CCDC91: variants seen among roughly 807,000 people sequenced by gnomAD.
CCDC91 encodes coiled-coil domain-containing protein 91.
Under a neutral mutation model 63.2 loss-of-function variants are expected in CCDC91, and 48 were observed. That is an observed-to-expected ratio of 0.76 (90% confidence interval 0.60 to 0.97). CCDC91 has a LOEUF of 0.97. CCDC91 is among the 50% of genes least tolerant of loss of function. The probability of loss-of-function intolerance (pLI) is 0.00; values close to 1 mark genes in which losing one functional copy is unlikely to be tolerated. For synonymous variants in CCDC91, 167 were observed against 165.8 expected (o/e 1.01, Z -0.06); for missense variants, 500 against 494.6 (o/e 1.01, Z -0.10).
chr12:28,340,430 A>G (rs1942327522), intron 6 of CCDC91, among the ~76,000 whole-genome samples: 1 of 152,220 alleles, frequency 6.6e-6, no homozygotes, highest in South Asian at 2.1e-4. Flanking sequence ...TAGTTTTATG[A>G]AAATAGCTTA....
intron 1 of CCDC91, among the ~76,000 whole-genome samples, chr12:28,197,364 C>T (rs1160277078): frequency 6.6e-6 from 1 of 152,062 alleles, no homozygotes; most frequent in Non-Finnish European, 1.5e-5. Context: ...CTGATCTATA[C>T]AGAATTACTG....
chr12:28,400,146 A>C (rs538925575), intron 8 of CCDC91, among the ~76,000 whole-genome samples: 2 of 152,170 alleles, frequency 1.3e-5, no homozygotes, highest in African/African-American at 4.8e-5. Context: ...ATTTCCATAC[A>C]TCCTCTGAAA....
At chr12:28,244,674 T>C (rs1260101523) in intron 1 of CCDC91, among the ~76,000 whole-genome samples, 2 of 151,786 alleles carry the variant, frequency 1.3e-5, no homozygotes, top group African/African-American at 4.8e-5. Context: ...GGGAACTTAA[T>C]TAGGCAGTCA....
chr12:28,519,013 G>T (rs1940276529), intron 12 of CCDC91, among the ~76,000 whole-genome samples: 1 of 151,732 alleles, frequency 6.6e-6, no homozygotes, highest in East Asian at 1.9e-4. Flanking sequence ...GCTTAGTCTT[G>T]CTTTGGCTAT....
intron 1 of CCDC91, among the ~76,000 whole-genome samples, chr12:28,195,969 T>G (rs955537788): frequency 5.9e-5 from 9 of 152,100 alleles, no homozygotes; most frequent in African/African-American, 2.2e-4. Flanking sequence ...GCTGGGTGTG[T>G]TGCCATGCAC....
intron 12 of CCDC91, among the ~76,000 whole-genome samples, chr12:28,534,853 T>G (rs1229462199): frequency 6.6e-6 from 1 of 152,186 alleles, no homozygotes; most frequent in Non-Finnish European, 1.5e-5. Flanking sequence ...TTTCCCTCAT[T>G]TCTCTATCAT....
intron 8 of CCDC91, among the ~76,000 whole-genome samples, chr12:28,430,576 A>G (rs1393933132): frequency 2.6e-5 from 4 of 152,158 alleles, no homozygotes; most frequent in Admixed American, 2.0e-4. Context: ...AAATTTTTGT[A>G]TATGAAAATG....
chr12:28,215,203 A>C (rs886111197), intron 1 of CCDC91, among the ~76,000 whole-genome samples: 17 of 152,178 alleles, frequency 1.1e-4, no homozygotes, highest in Non-Finnish European at 4.4e-5. Context: ...CATTGGACTC[A>C]GACTAGAACT....
At chr12:28,194,290 A>G (rs1389909052) in intron 1 of CCDC91, among the ~76,000 whole-genome samples, 3 of 152,064 alleles carry the variant, frequency 2.0e-5, no homozygotes, top group Admixed American at 2.0e-4. Flanking sequence ...TGGATGCCCC[A>G]GTCTTGCAGC....
At chr12:28,206,492 G>T (rs781727743) in intron 1 of CCDC91, among the ~76,000 whole-genome samples, 2 of 152,140 alleles carry the variant, frequency 1.3e-5, no homozygotes, top group Non-Finnish European at 2.9e-5. Context: ...CTATTATTAT[G>T]ACTACGGGAG....
chr12:28,390,809 G>A (rs1001815516), intron 7 of CCDC91, among the ~76,000 whole-genome samples: 1 of 152,046 alleles, frequency 6.6e-6, no homozygotes, highest in African/African-American at 2.4e-5. Context: ...GTTTCCATCT[G>A]CTTTTACTTG....
chr12:28,242,285 A>C (rs1010544981), intron 1 of CCDC91, among the ~76,000 whole-genome samples: 17 of 152,140 alleles, frequency 1.1e-4, no homozygotes, highest in Non-Finnish European at 1.2e-4. Flanking sequence ...TCTCATTACA[A>C]ACAAAGAAGC....
At chr12:28,354,558 T>C (rs1943400776) in intron 6 of CCDC91, among the ~76,000 whole-genome samples, 1 of 152,166 alleles carries the variant, frequency 6.6e-6, no homozygotes, top group African/African-American at 2.4e-5. Flanking sequence ...TATATTTAAA[T>C]ATATGAAGGC....
chr12:28,495,120 C>G (rs1952209607), intron 12 of CCDC91, among the ~76,000 whole-genome samples: 1 of 151,660 alleles, frequency 6.6e-6, no homozygotes, highest in Non-Finnish European at 1.5e-5. Flanking sequence ...ATTTCCCTTT[C>G]TCCAGTATAG....
chr12:28,458,423 C>G (rs957034591), intron 11 of CCDC91, among the ~76,000 whole-genome samples: 1 of 129,000 alleles, frequency 7.8e-6, no homozygotes, highest in Non-Finnish European at 1.5e-5. Flanking sequence ...AGAATTCATC[C>G]TAGATTTTCC....
intron 7 of CCDC91, among the ~76,000 whole-genome samples, chr12:28,380,851 T>C (rs1945256238): frequency 6.6e-6 from 1 of 152,172 alleles, no homozygotes; most frequent in Non-Finnish European, 1.5e-5. Context: ...TCAAGCATTT[T>C]CAGTATTAGA....
At chr12:28,392,494 G>T (rs141179882) in intron 8 of CCDC91, among the ~76,000 whole-genome samples, 1 of 152,120 alleles carries the variant, frequency 6.6e-6, no homozygotes, top group African/African-American at 2.4e-5. Context: ...TGTTAGATTT[G>T]TATCTGTAAT....
At chr12:28,222,825 A>G (rs931726692) in intron 1 of CCDC91, among the ~76,000 whole-genome samples, 2 of 152,154 alleles carry the variant, frequency 1.3e-5, no homozygotes, top group Non-Finnish European at 2.9e-5. Flanking sequence ...GATAGCTACA[A>G]CTGCACTTGG....
chr12:28,242,849 G>A (rs1469765112), intron 1 of CCDC91, among the ~76,000 whole-genome samples: 19 of 152,104 alleles, frequency 1.2e-4, no homozygotes, highest in African/African-American at 4.6e-4. Context: ...GTGATAAGGA[G>A]TGAAGTTATC....
Sources: gnomAD v4.1 joint callset for allele counts (sites outside exome capture counted in the v4.1 genomes callset) on GRCh38, gnomAD v4.1.1 for gene constraint, MANE v1.5 for transcripts, NCBI Gene and HGNC (gene_info 2026-07-23, HGNC 2026-07-21) for gene names.